The following SPICE1 variants were observed in gnomAD, a reference collection of about 807,000 sequenced individuals.
The protein encoded by SPICE1 is spindle and centriole associated protein 1.
In SPICE1, 75 loss-of-function variants were observed where a neutral mutation model predicts 102.7. That is an observed-to-expected ratio of 0.73 (90% CI 0.61 to 0.88). The LOEUF is 0.88. Ranked by LOEUF, SPICE1 falls within the 40% of genes least tolerant of loss-of-function variation. The pLI, the probability that SPICE1 is intolerant of heterozygous loss-of-function variation, is 0.00. For missense variants in SPICE1, 979 were observed against 1,020.1 expected (o/e 0.96, Z 0.55); for synonymous variants, 308 against 350.3 (o/e 0.88, Z 1.35).
intron 16 of SPICE1, 123 bp downstream of exon 16, chr3:113,447,915 T>C (rs996371025): frequency 5.2e-6 from 4 of 774,602 alleles, no homozygotes; most frequent in Non-Finnish European, 7.6e-6. Context: ...TTACTCTCTT[T>C]GCATGAGTCT....
At chr3:113,480,428 C>T (rs1211146344) in intron 7 of SPICE1, among the ~76,000 whole-genome samples, 1 of 152,028 alleles carries the variant, frequency 6.6e-6, no homozygotes, top group Non-Finnish European at 1.5e-5. Flanking sequence ...CAGAGAATAT[C>T]ATTTATGAAT....
In SPICE1 at chr3:113,446,628, T is replaced by A. The variant is rs1935520089; in HGVS notation, c.2475A>T (p.Ser825=). ...TAAGAGGTGTGAATCTCCCACTTCCTGAGGTGGCATTTAGTGGAGAACAAG... is the reference window on the plus strand; with the variant it reads ...TAAGAGGTGTGAATCTCCCACTTCCAGAGGTGGCATTTAGTGGAGAACAAG... The part of the protein sequence containing the change: ...GNSCSPLNAT[S]GSGRFTPLNP... The change falls in exon 17 of 18, where the codon TCA becomes TCT. Residue 825 remains serine (S), a synonymous_variant. Coordinates refer to ENST00000295872, the MANE Select transcript of SPICE1 (RefSeq NM_144718.4). The A allele has an allele frequency of 6.2e-7, 1 of 1,613,852 alleles. No homozygotes were observed. Among genetic ancestry groups the A allele is most frequent in the South Asian group, 1.1e-5 (1 of 91,002 alleles).
At chr3:113,448,916 A>T (rs1003946587) in intron 15 of SPICE1, 1 of 152,200 alleles carries the variant, frequency 6.6e-6, no homozygotes, top group African/African-American at 2.4e-5. Context: ...TTTTACTTAT[A>T]AAAAGAATAC....
chr3:113,456,311 T>TAAA (rs139307236), intron 13 of SPICE1, among the ~76,000 whole-genome samples: 3 of 141,446 alleles, frequency 2.1e-5, no homozygotes, highest in South Asian at 2.2e-4. Flanking sequence ...TGTGTAAAAA[T>TAAA]AAAAAAAAAA....
At chr3:113,504,348 CAA>C (rs3085005) in intron 2 of SPICE1, among the ~76,000 whole-genome samples, 31,627 of 151,968 alleles carry the variant, frequency 0.21, 3,539 homozygotes, top group African/African-American at 0.29. Context: ...GGCTTCTGAT[CAA>C]AGACTAAACT....
At chr3:113,472,197 A>T (rs559006142) in intron 7 of SPICE1, among the ~76,000 whole-genome samples, 6 of 152,338 alleles carry the variant, frequency 3.9e-5, no homozygotes, top group African/African-American at 1.4e-4. Context: ...CAGCAGTCTG[A>T]GATCAAACTG....
intron 7 of SPICE1, 43 bp downstream of exon 7, chr3:113,488,902 A>G: frequency 8.2e-6 from 10 of 1,221,314 alleles, no homozygotes; most frequent in Non-Finnish European, 9.5e-6. Context: ...ATGGCCATGG[A>G]AAAAACCTGA....
chr3:113,499,339 G>GA lies in SPICE1; in HGVS notation c.291+99dup. On this transcript the variant is annotated intron_variant, in intron 4 of 17. Coordinates refer to ENST00000295872, the MANE Select transcript of SPICE1 (RefSeq NM_144718.4). ...GTAGATTATTGAATAAGAATGCAGT[G>GA]ATTACTAGAGTCTCTCCAACGTGAA... The GA allele has an allele frequency of 4.7e-6, 6 of 1,274,886 alleles. No homozygotes were observed. In the South Asian group the frequency reaches 6.4e-5, roughly 14 times the overall value. The allele number at this position is 1,274,886 out of a possible 1,614,324, so 79.0% of individuals were successfully genotyped here.
chr3:113,480,886 T>C (rs1359155201), intron 7 of SPICE1, among the ~76,000 whole-genome samples: 2 of 51,596 alleles, frequency 3.9e-5, no homozygotes, highest in African/African-American at 1.6e-4. Flanking sequence ...CAAAAAAGAC[T>C]AAAAATAACA....
At position 113,453,889 on chromosome 3, in the gene SPICE1, A is replaced by G; in HGVS notation, c.1719T>C (p.Ile573=). ...TCTCTTCCCAATTTTGTTCCTTCTC[A>G]ATTATTTCCACAGTTGGAGGAAGTC... ...APRLPPTVEI[I]EKEQNWEEKT... The change falls in exon 14 of 18, where the codon ATT becomes ATC. Residue 573 remains isoleucine, a synonymous_variant. Transcript: ENST00000295872. The G allele has an allele frequency of 6.2e-7, 1 of 1,614,090 alleles. No homozygotes were observed. Among genetic ancestry groups the G allele is most frequent in the Non-Finnish European group, 8.5e-7 (1 of 1,179,986 alleles).
chr3:113,493,109 G>A lies in SPICE1; in HGVS notation c.492+97C>T, dbSNP rs1267546540. ...AATCTAGCAACCACAACTAGCACTT[G>A]TTGATATTTAAACTTTTAAAATATT... On this transcript the variant is annotated intron_variant, in intron 6 of 17. Transcript: ENST00000295872. The A allele has an allele frequency of 9.4e-6, 8 of 848,554 alleles. 1 individual carries two copies. The African/African-American group carries it at 1.4e-4, about 15-fold the overall frequency. The allele number at this position is 848,554 out of a possible 1,614,324, so 52.6% of individuals were successfully genotyped here. A position where few individuals can be genotyped will look rare whatever the true frequency, so the allele number is the denominator to read the frequency against.
intron 15 of SPICE1, chr3:113,450,085 T>C (rs1040998610): frequency 7.9e-6 from 4 of 507,904 alleles, no homozygotes; most frequent in African/African-American, 5.7e-5. Context: ...CATTTAGATG[T>C]ACGATAATTT....
intron 4 of SPICE1, among the ~76,000 whole-genome samples, chr3:113,495,944 C>CTG (rs1222902107): frequency 6.6e-6 from 1 of 152,032 alleles, no homozygotes; most frequent in Non-Finnish European, 1.5e-5. Context: ...AAACCATTAT[C>CTG]TGTCACCTTC....
At chr3:113,475,464 G>A (rs551481646) in intron 7 of SPICE1, among the ~76,000 whole-genome samples, 14 of 150,668 alleles carry the variant, frequency 9.3e-5, no homozygotes, top group Middle Eastern at 3.4e-3. Flanking sequence ...TACCAAAGCC[G>A]GGCAGAGACA....
At chr3:113,464,482 C>A in intron 11 of SPICE1, among the ~76,000 whole-genome samples, 1 of 152,068 alleles carries the variant, frequency 6.6e-6, no homozygotes, top group Non-Finnish European at 1.5e-5. Flanking sequence ...TCTCAAACTC[C>A]TGGCCTCAAG....
intron 1 of SPICE1, 35 bp downstream of exon 1, chr3:113,514,862 C>T: frequency 8.2e-7 from 1 of 1,225,218 alleles, no homozygotes; most frequent in Non-Finnish European, 1.0e-6. Flanking sequence ...TGGCGCCACG[C>T]ACAAACATAC....
chr3:113,468,074 G>T, intron 10 of SPICE1, 65 bp downstream of exon 10: 1 of 1,550,498 alleles, frequency 6.4e-7, no homozygotes, highest in Non-Finnish European at 8.7e-7. Flanking sequence ...TGCAATAAAT[G>T]GAAAGGAAAA....
Position 113,450,525 on chromosome 3 carries a change from G to GGAA in SPICE1, c.2143-10_2143-9insTTC, listed in dbSNP as rs1553765749. ...TGTGCTACTGGAAAAGTCTTTGGGA[G>GGAA]AAAAAAAAAAAAAGTACAAATTGAA... On this transcript the variant is annotated splice_polypyrimidine_tract_variant and intron_variant, in intron 14 of 17. Coordinates refer to ENST00000295872, the MANE Select transcript of SPICE1 (RefSeq NM_144718.4). 509 of 1,224,670 alleles carry GGAA rather than the reference G, an allele frequency of 4.2e-4. No individual in the cohort carries two copies. The highest frequency in any genetic ancestry group is 1.2e-3 in the East Asian group (46 of 37,722). The allele number at this position is 1,224,670 out of a possible 1,614,324, so 75.9% of individuals were successfully genotyped here.
intron 7 of SPICE1, 42 bp from the exon 8 acceptor site, chr3:113,469,280 T>C: frequency 1.1e-6 from 1 of 888,982 alleles, no homozygotes; most frequent in East Asian, 5.0e-5. Context: ...AATTATAATA[T>C]AAATTAATAT....
Sources: gnomAD v4.1 joint callset for allele counts (sites outside exome capture counted in the v4.1 genomes callset) on GRCh38, gnomAD v4.1.1 for gene constraint, MANE v1.5 for transcripts, NCBI Gene and HGNC (gene_info 2026-07-23, HGNC 2026-07-21) for gene names.